Variants in ARIH2 observed in about 807,000 individuals in gnomAD.
ARIH2 encodes the protein ariadne RBR E3 ubiquitin protein ligase 2.
ARIH2 carries 12 observed loss-of-function variants against 79.8 expected under a neutral mutation model. The observed-to-expected ratio is 0.15, with a 90% CI of 0.10 to 0.24. ARIH2 has a LOEUF of 0.24. Ranked by LOEUF, ARIH2 falls within the 10% of genes least tolerant of loss-of-function variation. The probability of loss-of-function intolerance (pLI) is 1.00; values close to 1 mark genes in which losing one functional copy is unlikely to be tolerated. For synonymous variants in ARIH2, 224 were observed against 213.9 expected (o/e 1.05, Z -0.41); for missense variants, 301 against 618.3 (o/e 0.49, Z 5.44).
At chr3:48,948,190 T>A (rs992930728) in intron 3 of ARIH2, among the ~76,000 whole-genome samples, 8 of 152,126 alleles carry the variant, frequency 5.3e-5, no homozygotes, top group Non-Finnish European at 8.8e-5. Flanking sequence ...CTCGATCTCC[T>A]GACCTTGTGA....
rs754862399 is a variant in ARIH2 at position 48,974,864 on chromosome 3, C to T, written c.936C>T (p.His312=). The T allele has an allele frequency of 1.2e-5, 19 of 1,614,104 alleles. No individual in the cohort carries two copies. In the South Asian group the frequency reaches 2.0e-4, roughly 17 times the overall value. ...TTGAGAAGAATGGAGGCTGCAATCA[C>T]ATGGTGAGCAGAAGCCTCTGCAGTT... ...ICIEKNGGCN[H]MQCSKCKHDF... is the part of the protein sequence containing the mutation. Residue 312 remains histidine (H), a synonymous_variant, in exon 10 of 16, where the codon CAC becomes CAT. Transcript: ENST00000356401.
chr3:48,968,722 T>A, intron 7 of ARIH2, 67 bp downstream of exon 7: 7 of 1,563,424 alleles, frequency 4.5e-6, no homozygotes, highest in Non-Finnish European at 6.1e-6. Context: ...GTCACCACAG[T>A]TACTTACTTT....
chr3:48,919,047 G>T (rs1576016249), intron 1 of ARIH2, 49 bp downstream of exon 1: 5 of 1,327,302 alleles, frequency 3.8e-6, no homozygotes, highest in Non-Finnish European at 4.8e-6. Flanking sequence ...GCTGGCCGCT[G>T]GGGGGGCCTC....
At chr3:48,934,738 C>T in intron 3 of ARIH2, 1 of 985,352 alleles carries the variant, frequency 1.0e-6, no homozygotes, top group Non-Finnish European at 1.2e-6. Flanking sequence ...TGAGAATGGC[C>T]TAAATACAAA....
At chr3:48,958,050 C>T (rs2090808517) in intron 3 of ARIH2, among the ~76,000 whole-genome samples, 1 of 152,104 alleles carries the variant, frequency 6.6e-6, no homozygotes, top group Non-Finnish European at 1.5e-5. Context: ...GAGGGGTAAA[C>T]TGACGTAGGT....
At position 48,963,092 on chromosome 3, in the gene ARIH2, G is replaced by A. The variant is rs375572574; in HGVS notation, c.323+1413G>A. Among the ~76,000 whole-genome samples the A allele has an allele frequency of 9.2e-5, 14 of 151,942 alleles. 1 individual carries two copies. Among genetic ancestry groups the A allele is most frequent in the African/African-American group, 2.7e-4 (11 of 41,338 alleles). On this transcript the variant is annotated intron_variant, in intron 4 of 15. Coordinates refer to ENST00000356401, the MANE Select transcript of ARIH2 (RefSeq NM_006321.4). ...AGGAAGATCGTGCCTTTCCTTCTCC[G>A]GGCTGAACACAACTGGGAAGGACAT... is the stretch of plus-strand genomic sequence containing the variant.
intron 1 of ARIH2, 102 bp from the exon 2 acceptor site, chr3:48,922,645 CT>C (rs2084975480): frequency 6.6e-6 from 1 of 151,854 alleles, no homozygotes; most frequent in South Asian, 2.1e-4. Flanking sequence ...TACTCTGTCC[CT>C]TGTTACTTGT....
At position 48,920,727 on chromosome 3, in the gene ARIH2, C is replaced by T. The variant is rs1284376113; in HGVS notation, c.-162+1729C>T. On this transcript the variant is annotated intron_variant, in intron 1 of 15. Coordinates refer to ENST00000356401, the MANE Select transcript of ARIH2 (RefSeq NM_006321.4). Reference sequence around the variant, plus strand: ...AATAATCCTCCTCACTTTGGGAGGCCGAGGCGGGCGGATCACGAGGTCAGG... The same window carrying T: ...AATAATCCTCCTCACTTTGGGAGGCTGAGGCGGGCGGATCACGAGGTCAGG... Among the ~76,000 whole-genome samples the T allele has an allele frequency of 1.6e-4, 11 of 69,774 alleles. 3 individuals are homozygous for T. The highest frequency in any genetic ancestry group is 5.0e-4 in the African/African-American group (11 of 22,060). The allele number at this position is 69,774 out of a possible 152,430, so 45.8% of individuals were successfully genotyped here.
intron 3 of ARIH2, among the ~76,000 whole-genome samples, chr3:48,955,149 C>T (rs7636057): frequency 0.66 from 100,694 of 152,010 alleles, 34,024 homozygotes; most frequent in East Asian, 0.96. Context: ...AGTGAGCCAG[C>T]GTCGCGCCAC....
chr3:48,924,066 G>C (rs900047561), intron 2 of ARIH2, among the ~76,000 whole-genome samples: 3 of 152,192 alleles, frequency 2.0e-5, no homozygotes, highest in Non-Finnish European at 4.4e-5. Context: ...GGAGTTGGAA[G>C]CTGCAGTGGG....
chr3:48,933,191 A>G (rs1260460624), intron 3 of ARIH2, among the ~76,000 whole-genome samples: 1 of 151,202 alleles, frequency 6.6e-6, no homozygotes, highest in Non-Finnish European at 1.5e-5. Context: ...ATCCTACTTC[A>G]GCCTCCCAAA....
rs566420601 is a variant in ARIH2, at chr3:48,980,155, G to A, written c.1114-198G>A. On this transcript the variant is annotated intron_variant, in intron 12 of 15. Transcript: ENST00000356401. ...TCCTGTTGCCCCAGAAGGGTAGAGC[G>A]ATCTGGCAGTAAGCATACAGCTGCT... The A allele has an allele frequency of 4.5e-5, 22 of 487,168 alleles. No individual in the cohort carries two copies. The South Asian group carries it at 6.2e-4, about 14-fold the overall frequency. 30.2% of individuals were successfully genotyped at this position (487,168 alleles called of 1,614,324 possible).
chr3:48,964,852 G>A, intron 4 of ARIH2, 67 bp from the exon 5 acceptor site: 3 of 1,247,810 alleles, frequency 2.4e-6, no homozygotes, highest in East Asian at 2.3e-5. Flanking sequence ...TCTCTGTCCT[G>A]TTATTGTTCA....
At chr3:48,943,504 C>G (rs909893181) in intron 3 of ARIH2, 1 of 151,944 alleles carries the variant, frequency 6.6e-6, no homozygotes, top group Non-Finnish European at 1.5e-5. Flanking sequence ...AGAGAATGGT[C>G]TTGGCGTATG....
intron 3 of ARIH2, among the ~76,000 whole-genome samples, chr3:48,940,812 TA>T (rs1288925049): frequency 1.0e-5 from 1 of 95,670 alleles, no homozygotes; most frequent in African/African-American, 4.2e-5. Context: ...AAAAAAAATA[TA>T]TATATATATA....
At chr3:48,981,345 A>T (rs2107701456) in intron 13 of ARIH2, among the ~76,000 whole-genome samples, 1 of 151,878 alleles carries the variant, frequency 6.6e-6, no homozygotes, top group East Asian at 1.9e-4. Flanking sequence ...AAAAAAAAAA[A>T]GGTTGTCTTT....
At position 48,983,468 on chromosome 3, in the gene ARIH2, A is replaced by G. The variant is rs990812116; in HGVS notation, c.*198A>G. 7.7e-5 allele frequency: 46 copies of G among 601,170 alleles called. No homozygotes were observed. The Middle Eastern group carries it at 1.8e-3, about 23-fold the overall frequency. The allele number at this position is 601,170 out of a possible 1,614,324, so 37.2% of individuals were successfully genotyped here. ...TTTTGTTTCTACCAGGGTAGAGGCC[A>G]TGTTGAACTGGCCTCTTTTCAGGAC... On this transcript the variant is annotated 3_prime_UTR_variant, in exon 16 of 16. Coordinates refer to ENST00000356401, the MANE Select transcript of ARIH2 (RefSeq NM_006321.4).
chr3:48,942,207 C>T (rs922100548), intron 3 of ARIH2, among the ~76,000 whole-genome samples: 10 of 152,070 alleles, frequency 6.6e-5, no homozygotes, highest in African/African-American at 7.2e-5. Flanking sequence ...CCCGCCACCA[C>T]GCCCAGGTAA....
intron 11 of ARIH2, among the ~76,000 whole-genome samples, chr3:48,977,099 G>T (rs2092550309): frequency 4.6e-5 from 7 of 151,792 alleles, no homozygotes; most frequent in Admixed American, 4.6e-4. Context: ...CTATTCGGGA[G>T]GCTGAGGCAG....
Sources: allele counts gnomAD v4.1 joint callset (sites outside exome capture counted in the v4.1 genomes callset), GRCh38; gene constraint gnomAD v4.1.1; transcripts MANE v1.5; gene names NCBI Gene and HGNC (gene_info 2026-07-23, HGNC 2026-07-21).